The following UQCC2 variants were observed in gnomAD, a reference collection of about 807,000 sequenced individuals.
UQCC2 encodes the protein ubiquinol-cytochrome c reductase complex assembly factor 2.
In UQCC2, 21 loss-of-function variants were observed where a neutral mutation model predicts 19.9. The observed-to-expected ratio is 1.05, with a 90% CI of 0.75 to 1.52. UQCC2 has a LOEUF of 1.52. Ranked by LOEUF, UQCC2 falls within the 40% of genes most tolerant of loss-of-function variation. The probability of loss-of-function intolerance (pLI) is 0.00; values close to 1 mark genes in which losing one functional copy is unlikely to be tolerated. For missense variants in UQCC2, 135 were observed against 157.5 expected, an observed-to-expected ratio of 0.86 and a Z score of 0.76; for synonymous variants, 57 against 60.9, an observed-to-expected ratio of 0.94 and a Z score of 0.30.
chr6:33,702,032 T>C (rs1765646836), intron 1 of UQCC2, among the ~76,000 whole-genome samples: 1 of 151,808 alleles, frequency 6.6e-6, no homozygotes, highest in Non-Finnish European at 1.5e-5. Context: ...TTTGAGACAG[T>C]CTCTCACTCT....
Position 33,701,435 on chromosome 6 carries a change from A to C in UQCC2, c.139-15T>G. On this transcript the variant is annotated splice_polypyrimidine_tract_variant and intron_variant, in intron 1 of 3. Coordinates refer to ENST00000607484, the MANE Select transcript of UQCC2 (RefSeq NM_032340.4). ...GGCTCTGCAACCTGAAAAGCAAAGA[A>C]TCCCAAAGGAGGTGAGCAAAGGAGT... is the stretch of plus-strand genomic sequence containing the variant. 1 of 1,612,728 alleles carries C rather than the reference A, an allele frequency of 6.2e-7. No homozygotes were observed. Among genetic ancestry groups the C allele is most frequent in the Non-Finnish European group, 8.5e-7 (1 of 1,179,456 alleles).
chr6:33,706,973 G>A (rs1765707372), intron 1 of UQCC2, among the ~76,000 whole-genome samples: 1 of 152,244 alleles, frequency 6.6e-6, no homozygotes, highest in African/African-American at 2.4e-5. Context: ...AAGGATCAGA[G>A]GCACTGCAGG....
chr6:33,697,797 T>A (rs755841566), intron 3 of UQCC2, 47 bp from the exon 4 acceptor site: 6 of 1,526,132 alleles, frequency 3.9e-6, no homozygotes, highest in East Asian at 2.2e-5. Flanking sequence ...AGTCTAAAAC[T>A]TGATGACATA....
intron 1 of UQCC2, among the ~76,000 whole-genome samples, chr6:33,704,458 G>A (rs1180830058): frequency 6.6e-6 from 1 of 152,182 alleles, no homozygotes; most frequent in Non-Finnish European, 1.5e-5. Context: ...CGCTGGAAAC[G>A]GAAGTGAGGA....
At chr6:33,710,244 T>A (rs991138252) in intron 1 of UQCC2, among the ~76,000 whole-genome samples, 1 of 152,164 alleles carries the variant, frequency 6.6e-6, no homozygotes, top group African/African-American at 2.4e-5. Context: ...CTCCAGCCTC[T>A]TTTTTTGTTA....
intron 3 of UQCC2, among the ~76,000 whole-genome samples, chr6:33,699,417 T>TTA (rs1260373547): frequency 2.0e-5 from 3 of 152,204 alleles, no homozygotes; most frequent in Non-Finnish European, 4.4e-5. Flanking sequence ...AGGCAGGGCC[T>TTA]CTGGAACTTA....
intron 1 of UQCC2, among the ~76,000 whole-genome samples, chr6:33,706,091 C>A (rs546607901): frequency 6.6e-6 from 1 of 152,278 alleles, no homozygotes. Context: ...GCACTGATTT[C>A]GATTTTGCAA....
At position 33,697,209 on chromosome 6, in the gene UQCC2, TC is replaced by T. The variant is rs1765572372; in HGVS notation, c.*443del. ...TTTTTGCCTCTCTCGGCCTCACACC[TC>T]CCTACTGCTTTCTGTTTGCAACAGG... On this transcript the variant is annotated 3_prime_UTR_variant, in exon 4 of 4. Coordinates refer to ENST00000607484, the MANE Select transcript of UQCC2 (RefSeq NM_032340.4). 6.3e-6 allele frequency: 1 copy of T among 157,626 alleles called. No individual in the cohort carries two copies. Among genetic ancestry groups the T allele is most frequent in the South Asian group, 1.9e-4 (1 of 5,174 alleles). 9.8% of individuals were successfully genotyped at this position (157,626 alleles called of 1,614,324 possible).
intron 1 of UQCC2, among the ~76,000 whole-genome samples, chr6:33,707,221 G>A (rs1156317450): frequency 6.6e-6 from 1 of 152,236 alleles, no homozygotes; most frequent in African/African-American, 2.4e-5. Flanking sequence ...CCCTCTTAGA[G>A]ATGATTCTCC....
intron 1 of UQCC2, among the ~76,000 whole-genome samples, chr6:33,706,063 T>A (rs532484668): frequency 2.6e-5 from 4 of 152,328 alleles, no homozygotes; most frequent in South Asian, 2.1e-4. Flanking sequence ...TACATACAAA[T>A]CTACATCAGT....
chr6:33,702,490 G>A (rs1765652846), intron 1 of UQCC2, among the ~76,000 whole-genome samples: 3 of 152,252 alleles, frequency 2.0e-5, no homozygotes, highest in Non-Finnish European at 4.4e-5. Context: ...GGTCCTGCTA[G>A]AAAGGAGATG....
intron 1 of UQCC2, among the ~76,000 whole-genome samples, chr6:33,701,757 C>T (rs537049491): frequency 2.6e-5 from 4 of 152,036 alleles, no homozygotes; most frequent in Admixed American, 6.6e-5. Context: ...GTTGGAAAGG[C>T]GTGCCTAACA....
chr6:33,700,623 T>G, intron 2 of UQCC2, 110 bp from the exon 3 acceptor site: 1 of 1,155,176 alleles, frequency 8.7e-7, no homozygotes, highest in Non-Finnish European at 1.3e-6. Context: ...CCAGGAGGCC[T>G]AGCAAGGAGA....
At chr6:33,701,483 C>G (rs1765639659) in intron 1 of UQCC2, 63 bp from the exon 2 acceptor site, 2 of 1,517,720 alleles carry the variant, frequency 1.3e-6, no homozygotes, top group South Asian at 2.4e-5. Flanking sequence ...AGTGTCTGTA[C>G]CTTGAGGAAA....
At chr6:33,699,927 G>C (rs1765618880) in intron 3 of UQCC2, among the ~76,000 whole-genome samples, 1 of 152,226 alleles carries the variant, frequency 6.6e-6, no homozygotes, top group African/African-American at 2.4e-5. Context: ...AGTAAGGAAA[G>C]GACGGGCTTG....
intron 1 of UQCC2, among the ~76,000 whole-genome samples, chr6:33,707,713 A>C (rs944668731): frequency 2.0e-5 from 3 of 152,258 alleles, no homozygotes; most frequent in African/African-American, 7.2e-5. Flanking sequence ...TAATGAACTC[A>C]TTAGAAAGAT....
At chr6:33,703,477 T>C (rs746083399) in intron 1 of UQCC2, among the ~76,000 whole-genome samples, 12 of 152,116 alleles carry the variant, frequency 7.9e-5, no homozygotes, top group South Asian at 2.1e-4. Context: ...TATAGCATGA[T>C]TGGCCCATCT....
chr6:33,711,674 G>C lies in UQCC2; in HGVS notation c.13C>G (p.Arg5Gly). 6.2e-7 allele frequency: 1 copy of C among 1,610,112 alleles called. No individual in the cohort carries two copies. ...CAGAGCTTAAGAAAACGCCGGTACC[G>C]GCTGGCCGCCATCTTGGGCCCCGCG... MAASRYRRFLKLCEE... is the reference protein window; with the variant it reads MAASGYRRFLKLCEE... Residue 5 changes from arginine (R) to glycine (G), a missense_variant, in exon 1 of 4, where the codon CGG becomes GGG. Physicochemically the swap from Arg to Gly is moderately radical, Grantham distance 125. Coordinates refer to ENST00000607484, the MANE Select transcript of UQCC2 (RefSeq NM_032340.4).
At chr6:33,706,896 AC>A (rs949853888) in intron 1 of UQCC2, among the ~76,000 whole-genome samples, 1 of 152,140 alleles carries the variant, frequency 6.6e-6, no homozygotes, top group African/African-American at 2.4e-5. Flanking sequence ...ATGAGAAGAC[AC>A]CCTTGCTGAG....
Sources: gnomAD v4.1 joint callset for allele counts (sites outside exome capture counted in the v4.1 genomes callset) on GRCh38, gnomAD v4.1.1 for gene constraint, MANE v1.5 for transcripts, NCBI Gene and HGNC (gene_info 2026-07-23, HGNC 2026-07-21) for gene names.